SLC24A3: variants seen among roughly 807,000 people sequenced by gnomAD.
SLC24A3 encodes solute carrier family 24 member 3, also known as sodium/potassium/calcium exchanger 3.
A neutral mutation model predicts 75.8 loss-of-function variants in SLC24A3; 28 were observed. That is an observed-to-expected ratio of 0.37 (90% CI 0.27 to 0.51). The LOEUF is 0.51. Ranked by LOEUF, SLC24A3 falls within the 20% of genes least tolerant of loss-of-function variation. The probability of loss-of-function intolerance (pLI) is 0.94; values close to 1 mark genes in which losing one functional copy is unlikely to be tolerated. For synonymous variants in SLC24A3, 372 were observed against 334.1 expected (o/e 1.11, Z -1.24); for missense variants, 663 against 847.8 (o/e 0.78, Z 2.71).
chr20:19,694,709 C>T (rs950944132), intron 13 of SLC24A3: 1 of 152,246 alleles, frequency 6.6e-6, no homozygotes, highest in African/African-American at 2.4e-5. Context: ...GTTCAACTTC[C>T]TTCTGTTTGC....
At chr20:19,476,260 G>A (rs532080335) in intron 2 of SLC24A3, among the ~76,000 whole-genome samples, 4 of 152,182 alleles carry the variant, frequency 2.6e-5, no homozygotes, top group African/African-American at 7.2e-5. Flanking sequence ...TAATATGTCC[G>A]AGCTTGCCTC....
intron 2 of SLC24A3, among the ~76,000 whole-genome samples, chr20:19,389,123 C>G: frequency 6.6e-6 from 1 of 152,058 alleles, no homozygotes; most frequent in Non-Finnish European, 1.5e-5. Flanking sequence ...ATTTTAACTT[C>G]TCTTCCCCCC....
chr20:19,539,626 T>TC (rs1160842321), intron 3 of SLC24A3, among the ~76,000 whole-genome samples: 2 of 152,004 alleles, frequency 1.3e-5, no homozygotes, highest in Non-Finnish European at 2.9e-5. Flanking sequence ...GAGACACCTT[T>TC]CCTCCCCATC....
chr20:19,612,689 A>AC (rs572652390), intron 6 of SLC24A3, among the ~76,000 whole-genome samples: 7 of 150,152 alleles, frequency 4.7e-5, no homozygotes, highest in African/African-American at 9.8e-5. Flanking sequence ...CACTGTGATC[A>AC]CCCCCCCTCT....
At chr20:19,374,108 G>A (rs1304193554) in intron 2 of SLC24A3, among the ~76,000 whole-genome samples, 1 of 152,092 alleles carries the variant, frequency 6.6e-6, no homozygotes, top group East Asian at 1.9e-4. Flanking sequence ...GCCTCAGATC[G>A]GGGAAGCATA....
intron 15 of SLC24A3, among the ~76,000 whole-genome samples, chr20:19,704,170 G>C (rs192772251): frequency 1.0e-5 from 1 of 96,334 alleles, no homozygotes. Context: ...TGGATGGAGA[G>C]ATGGATGGAT....
At chr20:19,594,630 C>T (rs530189416) in intron 6 of SLC24A3, among the ~76,000 whole-genome samples, 1 of 152,320 alleles carries the variant, frequency 6.6e-6, no homozygotes, top group South Asian at 2.1e-4. Flanking sequence ...ATTCTAGTAG[C>T]AGGCTTCGAG....
chr20:19,504,749 G>A (rs1568637079), intron 2 of SLC24A3, among the ~76,000 whole-genome samples: 1 of 152,216 alleles, frequency 6.6e-6, no homozygotes, highest in African/African-American at 2.4e-5. Flanking sequence ...AGGAGTCCAA[G>A]AAGAGTATCA....
intron 2 of SLC24A3, among the ~76,000 whole-genome samples, chr20:19,507,530 T>C (rs549397405): frequency 7.9e-5 from 12 of 152,332 alleles, no homozygotes; most frequent in South Asian, 2.1e-4. Context: ...GAGATGCACA[T>C]TGCATCCTGA....
rs185249737 is a variant in SLC24A3 at position 19,248,906 on chromosome 20, G to A, written c.143-32053G>A. On this transcript the variant is annotated intron_variant, in intron 1 of 16. Coordinates refer to ENST00000328041, the MANE Select transcript of SLC24A3 (RefSeq NM_020689.4). ...AGCCAGGCACAGAAAGACAAATACCGCATGATCTCGTATGTGGAATCTAAA... is the reference window on the plus strand; with the variant it reads ...AGCCAGGCACAGAAAGACAAATACCACATGATCTCGTATGTGGAATCTAAA... Among the ~76,000 whole-genome samples, 21 of 150,390 alleles carry A rather than the reference G, an allele frequency of 1.4e-4. No individual in the cohort carries two copies. The East Asian group carries it at 2.5e-3, about 18-fold the overall frequency.
At chr20:19,223,558 A>G (rs1047211481) in intron 1 of SLC24A3, among the ~76,000 whole-genome samples, 1 of 152,200 alleles carries the variant, frequency 6.6e-6, no homozygotes, top group Non-Finnish European at 1.5e-5. Context: ...TCCTATACCT[A>G]TATAACCATG....
intron 12 of SLC24A3, among the ~76,000 whole-genome samples, chr20:19,691,986 G>A (rs552115515): frequency 5.9e-5 from 9 of 152,174 alleles, no homozygotes; most frequent in Non-Finnish European, 1.0e-4. Flanking sequence ...ACTGTGCCTC[G>A]GCCCTTTAAG....
intron 2 of SLC24A3, among the ~76,000 whole-genome samples, chr20:19,347,546 A>G (rs930860064): frequency 6.6e-6 from 1 of 152,240 alleles, no homozygotes; most frequent in Non-Finnish European, 1.5e-5. Context: ...ACCTTATTTT[A>G]AGGTCTATTG....
rs548828650 is a variant in SLC24A3 at position 19,582,308 on chromosome 20, T to C, written c.423+2234T>C. On this transcript the variant is annotated intron_variant, in intron 4 of 16. Transcript: ENST00000328041. The stretch of plus-strand genomic sequence containing the variant: ...TGATTCGATACTCTGTGTTTCATGG[T>C]TACTCGTAGACTAAAACTGGGAGTG... Among the ~76,000 whole-genome samples, 3 of 152,344 alleles carry C rather than the reference T, an allele frequency of 2.0e-5. No homozygotes were observed. The South Asian group carries it at 6.2e-4, about 32-fold the overall frequency.
At chr20:19,259,726 T>C (rs1982924305) in intron 1 of SLC24A3, among the ~76,000 whole-genome samples, 1 of 152,172 alleles carries the variant, frequency 6.6e-6, no homozygotes, top group African/African-American at 2.4e-5. Context: ...CCCAACATTA[T>C]ATATGAAAAT....
chr20:19,639,887 C>T (rs1364141910), intron 6 of SLC24A3, among the ~76,000 whole-genome samples: 4 of 152,270 alleles, frequency 2.6e-5, no homozygotes, highest in Non-Finnish European at 5.9e-5. Flanking sequence ...CTAAGCCCCT[C>T]ATTACCTGGG....
chr20:19,523,973 A>G (rs1015839643), intron 3 of SLC24A3, among the ~76,000 whole-genome samples: 1 of 152,168 alleles, frequency 6.6e-6, no homozygotes, highest in Non-Finnish European at 1.5e-5. Flanking sequence ...GTGCCAGGAA[A>G]TCAGCATCCC....
intron 2 of SLC24A3, among the ~76,000 whole-genome samples, chr20:19,402,481 A>C (rs553646821): frequency 5.3e-5 from 8 of 152,354 alleles, no homozygotes; most frequent in Non-Finnish European, 7.3e-5. Context: ...TAGTTAGGGC[A>C]CATTGGAAAT....
intron 2 of SLC24A3, among the ~76,000 whole-genome samples, chr20:19,392,039 A>T (rs530883693): frequency 2.0e-5 from 3 of 152,164 alleles, no homozygotes; most frequent in Admixed American, 6.5e-5. Context: ...GAGACCAGTG[A>T]TAGAGTCCTG....
Sources: gnomAD v4.1 joint callset for allele counts (sites outside exome capture counted in the v4.1 genomes callset) on GRCh38, gnomAD v4.1.1 for gene constraint, MANE v1.5 for transcripts, NCBI Gene and HGNC (gene_info 2026-07-23, HGNC 2026-07-21) for gene names.